The following C1QTNF7 variants were observed in gnomAD, a reference collection of about 807,000 sequenced individuals.
C1QTNF7 encodes complement C1q tumor necrosis factor-related protein 7.
A neutral mutation model predicts 19.6 loss-of-function variants in C1QTNF7; 15 were observed. The ratio of observed to expected loss-of-function variants is 0.76; its 90% confidence interval spans 0.51 to 1.18. C1QTNF7 has a LOEUF of 1.18. Ranked by LOEUF, C1QTNF7 falls within the 50% of genes most tolerant of loss-of-function variation. The pLI is 0.00. For synonymous variants in C1QTNF7, 142 were observed against 137.5 expected (o/e 1.03, Z -0.23); for missense variants, 324 against 359.7 (o/e 0.90, Z 0.80).
intron 1 of C1QTNF7, among the ~76,000 whole-genome samples, chr4:15,363,119 T>G (rs1198664777): frequency 1.3e-5 from 2 of 152,104 alleles, no homozygotes; most frequent in Non-Finnish European, 2.9e-5. Flanking sequence ...TATACCTCAT[T>G]AATTATTTGG....
chr4:15,354,708 G>A (rs373915929), intron 1 of C1QTNF7, among the ~76,000 whole-genome samples: 11 of 152,040 alleles, frequency 7.2e-5, no homozygotes, highest in African/African-American at 1.7e-4. Flanking sequence ...AAGAACACAC[G>A]ATAAAAGAGG....
At chr4:15,437,234 T>G (rs1284252317) in intron 2 of C1QTNF7, among the ~76,000 whole-genome samples, 1 of 152,078 alleles carries the variant, frequency 6.6e-6, no homozygotes, top group Non-Finnish European at 1.5e-5. Context: ...AAACAAACAT[T>G]GGAGTCAGAA....
chr4:15,419,772 G>A (rs1425911948), intron 1 of C1QTNF7, among the ~76,000 whole-genome samples: 2 of 151,818 alleles, frequency 1.3e-5, no homozygotes, highest in Non-Finnish European at 2.9e-5. Flanking sequence ...CTATGAATAG[G>A]AAAAATATTA....
At chr4:15,376,497 A>C (rs1045805538) in intron 1 of C1QTNF7, among the ~76,000 whole-genome samples, 77 of 152,316 alleles carry the variant, frequency 5.1e-4, no homozygotes, top group African/African-American at 1.5e-3. Flanking sequence ...TCTGTGCCTC[A>C]GTTCCCTTAC....
chr4:15,380,217 A>T (rs1718086316), intron 1 of C1QTNF7, among the ~76,000 whole-genome samples: 1 of 152,266 alleles, frequency 6.6e-6, no homozygotes, highest in South Asian at 2.1e-4. Flanking sequence ...TCTGGCTATT[A>T]AGTGTATCAG....
At chr4:15,363,626 G>T (rs1018121274) in intron 1 of C1QTNF7, among the ~76,000 whole-genome samples, 2 of 152,168 alleles carry the variant, frequency 1.3e-5, no homozygotes, top group South Asian at 4.1e-4. Context: ...AGCCACAAAG[G>T]CTCCCAGGAA....
chr4:15,355,898 T>C (rs1458449461), intron 1 of C1QTNF7, among the ~76,000 whole-genome samples: 2 of 152,012 alleles, frequency 1.3e-5, no homozygotes, highest in African/African-American at 2.4e-5. Flanking sequence ...CACTACGTTG[T>C]CCAAGCTGGA....
intron 1 of C1QTNF7, among the ~76,000 whole-genome samples, chr4:15,384,967 C>A (rs1029261953): frequency 6.6e-6 from 1 of 152,182 alleles, no homozygotes; most frequent in Non-Finnish European, 1.5e-5. Context: ...TGTTTCAGGG[C>A]TCCCAAGAAG....
At chr4:15,375,768 C>T (rs1717917124) in intron 1 of C1QTNF7, among the ~76,000 whole-genome samples, 1 of 152,202 alleles carries the variant, frequency 6.6e-6, no homozygotes, top group South Asian at 2.1e-4. Flanking sequence ...CCCACACCCT[C>T]AGCCTGGGTT....
intron 1 of C1QTNF7, among the ~76,000 whole-genome samples, chr4:15,360,185 G>A (rs1009931941): frequency 4.6e-5 from 7 of 150,762 alleles, no homozygotes; most frequent in Non-Finnish European, 1.0e-4. Flanking sequence ...GATTAGGTTG[G>A]GAGACCAGGT....
chr4:15,387,787 A>G (rs568333762), intron 1 of C1QTNF7, among the ~76,000 whole-genome samples: 63 of 152,354 alleles, frequency 4.1e-4, no homozygotes, highest in African/African-American at 1.5e-3. Context: ...ATATCACTGC[A>G]TATATTTAAT....
intron 1 of C1QTNF7, among the ~76,000 whole-genome samples, chr4:15,371,853 G>A (rs1717742129): frequency 6.6e-6 from 1 of 152,122 alleles, no homozygotes; most frequent in Non-Finnish European, 1.5e-5. Context: ...CACATGGAGG[G>A]AATCCCCATG....
upstream of C1QTNF7, among the ~76,000 whole-genome samples, chr4:15,426,489 A>G (rs1384567941): frequency 6.6e-6 from 1 of 152,250 alleles, no homozygotes; most frequent in Non-Finnish European, 1.5e-5. Flanking sequence ...AAAAGAAGAA[A>G]TTCAATTTTT....
upstream of C1QTNF7, among the ~76,000 whole-genome samples, chr4:15,423,332 G>A (rs2192357): frequency 0.069 from 10,455 of 152,200 alleles, 1,141 homozygotes; most frequent in African/African-American, 0.23. Context: ...CAAGCTGTAT[G>A]TTCAGGGCCC....
At chr4:15,355,530 A>G (rs533469118) in intron 1 of C1QTNF7, among the ~76,000 whole-genome samples, 3 of 152,134 alleles carry the variant, frequency 2.0e-5, no homozygotes, top group African/African-American at 7.2e-5. Flanking sequence ...GAGGTGGCTC[A>G]GACCACCATT....
chr4:15,436,106 A>C, intron 2 of C1QTNF7, 125 bp downstream of exon 2: 1 of 1,347,296 alleles, frequency 7.4e-7, no homozygotes, highest in Non-Finnish European at 1.0e-6. Flanking sequence ...CATTAATCGT[A>C]ACTTACTGAG....
At chr4:15,346,966 C>T (rs1394328239) in intron 1 of C1QTNF7, among the ~76,000 whole-genome samples, 1 of 152,168 alleles carries the variant, frequency 6.6e-6, no homozygotes, top group Admixed American at 6.5e-5. Context: ...TGAGTCCATT[C>T]TCTTGACTTT....
At chr4:15,434,802 A>G (rs896426002) in intron 1 of C1QTNF7, among the ~76,000 whole-genome samples, 1 of 152,218 alleles carries the variant, frequency 6.6e-6, no homozygotes, top group Non-Finnish European at 1.5e-5. Flanking sequence ...CTTGGGGCAC[A>G]GGCACCATGC....
chr4:15,440,384 C>T (rs551049529), intron 2 of C1QTNF7, among the ~76,000 whole-genome samples: 1 of 151,244 alleles, frequency 6.6e-6, no homozygotes, highest in Admixed American at 6.6e-5. Context: ...GGATTCTAGT[C>T]CTAGCATTGG....
Sources: gnomAD v4.1 joint callset for allele counts (sites outside exome capture counted in the v4.1 genomes callset) on GRCh38, gnomAD v4.1.1 for gene constraint, MANE v1.5 for transcripts, NCBI Gene and HGNC (gene_info 2026-07-23, HGNC 2026-07-21) for gene names.